The following GRM3 variants were observed in gnomAD, a reference collection of about 807,000 sequenced individuals.
GRM3 encodes glutamate metabotropic receptor 3, also known as metabotropic glutamate receptor 3.
In GRM3, 26 loss-of-function variants were observed where a neutral mutation model predicts 70.5. The ratio of observed to expected loss-of-function variants is 0.37; its 90% CI spans 0.27 to 0.51. The LOEUF is 0.51. Among genes scored for constraint, GRM3 ranks in the 20% least tolerant of loss-of-function variants. The pLI is 0.93. For missense variants in GRM3, 859 were observed against 1,123.8 expected, an observed-to-expected ratio of 0.76 and a Z score of 3.37; for synonymous variants, 443 against 434.9, an observed-to-expected ratio of 1.02 and a Z score of -0.23.
chr7:86,655,846 G>GTGTA (rs1793724909), intron 1 of GRM3, among the ~76,000 whole-genome samples: 1 of 135,058 alleles, frequency 7.4e-6, no homozygotes, highest in Non-Finnish European at 1.6e-5. Flanking sequence ...GTGTGTGTGT[G>GTGTA]TGTGTGGGTG....
At chr7:86,845,046 C>A (rs980801188) in intron 4 of GRM3, among the ~76,000 whole-genome samples, 17 of 152,102 alleles carry the variant, frequency 1.1e-4, no homozygotes, top group Non-Finnish European at 2.1e-4. Flanking sequence ...CATGCCACCA[C>A]ACTGGGCTAA....
chr7:86,829,875 C>T (rs767052320), intron 3 of GRM3, among the ~76,000 whole-genome samples: 1 of 152,184 alleles, frequency 6.6e-6, no homozygotes, highest in Non-Finnish European at 1.5e-5. Flanking sequence ...TACTGATAGA[C>T]TTGTTCGATG....
At chr7:86,823,462 C>G (rs889375880) in intron 3 of GRM3, among the ~76,000 whole-genome samples, 1 of 151,984 alleles carries the variant, frequency 6.6e-6, no homozygotes, top group Non-Finnish European at 1.5e-5. Context: ...CACTAAATCA[C>G]TTTTCAATTA....
rs1331242348 is a variant in GRM3 at position 86,839,587 on chromosome 7, C to T, written c.2073C>T (p.Ile691=). ...TCAGCCCCAGTTCTCAGGTTTTCAT[C>T]TGCCTGGGTCTGATCCTGGTGCAAA... ...KFISPSSQVF[I]CLGLILVQIV... Residue 691 remains isoleucine (I), a synonymous_variant, in exon 4 of 6, where the codon ATC becomes ATT. Coordinates refer to ENST00000361669, the MANE Select transcript of GRM3 (RefSeq NM_000840.3). The surrounding 1 kb of genome is among the most constrained non-coding windows in gnomAD (Gnocchi z 4.5). 1 of 1,612,758 alleles carries T rather than the reference C, an allele frequency of 6.2e-7. No homozygotes were observed. Among genetic ancestry groups the T allele is most frequent in the East Asian group, 2.2e-5 (1 of 44,872 alleles).
intron 3 of GRM3, among the ~76,000 whole-genome samples, chr7:86,798,873 CTCT>C (rs58769161): frequency 0.26 from 39,944 of 151,824 alleles, 5,419 homozygotes; most frequent in Middle Eastern, 0.34. Flanking sequence ...GAGAGTTCCC[CTCT>C]TCTTGCCTGA....
At chr7:86,752,761 C>T (rs993176013) in intron 1 of GRM3, among the ~76,000 whole-genome samples, 1 of 152,022 alleles carries the variant, frequency 6.6e-6, no homozygotes, top group South Asian at 2.1e-4. Context: ...ACAACTTGGA[C>T]ACCAGAATTT....
At position 86,765,504 on chromosome 7, in the gene GRM3, T is replaced by G. The variant is rs763423469; in HGVS notation, c.359T>G (p.Val120Gly). 2 of 1,613,886 alleles carry G rather than the reference T, an allele frequency of 1.2e-6. No homozygotes were observed. The highest frequency in any genetic ancestry group is 1.7e-6 in the Non-Finnish European group (2 of 1,179,862). The part of the protein sequence containing the change: ...LEFVRASLTK[V>G]DEAEYMCPDG... ...TTTGTCAGGGCATCTTTGACAAAAG[T>G]GGATGAAGCTGAGTATATGTGTCCT... The change falls in exon 2 of 6, where the codon GTG becomes GGG. Residue 120 changes from valine (V) to glycine (G), a missense_variant. Physicochemically the swap from Val to Gly is moderately radical, Grantham distance 109. Coordinates refer to ENST00000361669, the MANE Select transcript of GRM3 (RefSeq NM_000840.3).
intron 3 of GRM3, among the ~76,000 whole-genome samples, chr7:86,791,932 G>A (rs2116577644): frequency 6.6e-6 from 1 of 152,206 alleles, no homozygotes; most frequent in South Asian, 2.1e-4. Flanking sequence ...ATTTCCATGT[G>A]CAAGAGTTAT....
rs2116549745 is a variant in GRM3, at chr7:86,786,983, G to A, written c.1191G>A (p.Val397=). 6.2e-7 allele frequency: 1 copy of A among 1,614,170 alleles called. No homozygotes were observed. Among genetic ancestry groups the A allele is most frequent in the Non-Finnish European group, 8.5e-7 (1 of 1,180,006 alleles). The part of the protein sequence containing the change: ...ESKIMFVVNA[V]YAMAHALHKM... ...AGATCATGTTTGTGGTGAACGCGGT[G>A]TATGCCATGGCCCACGCTTTGCACA... is the stretch of plus-strand genomic sequence containing the variant. Residue 397 remains valine, a synonymous_variant, in exon 3 of 6, where the codon GTG becomes GTA. Transcript: ENST00000361669. The surrounding 1 kb of genome is among the most constrained non-coding windows in gnomAD (Gnocchi z 6.0).
intron 4 of GRM3, among the ~76,000 whole-genome samples, chr7:86,845,555 C>T (rs1468304598): frequency 1.3e-5 from 2 of 152,070 alleles, no homozygotes; most frequent in African/African-American, 4.8e-5. Context: ...TTGAGTTCCT[C>T]CCCTCTCTGA....
At chr7:86,648,494 A>C (rs978668717) in intron 1 of GRM3, among the ~76,000 whole-genome samples, 1 of 152,188 alleles carries the variant, frequency 6.6e-6, no homozygotes, top group Non-Finnish European at 1.5e-5. Flanking sequence ...CTAGGAATGT[A>C]ATAGTGTATA....
chr7:86,827,840 C>T (rs965511209), intron 3 of GRM3, among the ~76,000 whole-genome samples: 21 of 152,000 alleles, frequency 1.4e-4, no homozygotes, highest in Non-Finnish European at 2.6e-4. Context: ...CAGGCCGGTG[C>T]GGTGGCTCAC....
intron 1 of GRM3, among the ~76,000 whole-genome samples, chr7:86,714,648 C>T (rs536669916): frequency 4.6e-5 from 7 of 152,110 alleles, no homozygotes; most frequent in African/African-American, 1.4e-4. Context: ...TCTTTGCATC[C>T]ATTTAAAAAG....
chr7:86,696,537 G>A (rs566283041), intron 1 of GRM3, among the ~76,000 whole-genome samples: 1 of 152,172 alleles, frequency 6.6e-6, no homozygotes, highest in African/African-American at 2.4e-5. Flanking sequence ...CAAGAGAATA[G>A]CTTCATATAA....
chr7:86,787,556 C>CAGAGAGAGAG (rs71117519), intron 3 of GRM3, among the ~76,000 whole-genome samples: 93 of 150,020 alleles, frequency 6.2e-4, no homozygotes, highest in Middle Eastern at 3.5e-3. Flanking sequence ...CAGTGGGTGA[C>CAGAGAGAGAG]AGAGAGAGAG....
At chr7:86,697,245 G>A (rs1794838881) in intron 1 of GRM3, among the ~76,000 whole-genome samples, 1 of 150,820 alleles carries the variant, frequency 6.6e-6, no homozygotes, top group South Asian at 2.1e-4. Flanking sequence ...ACATCTTGAA[G>A]AGAGGAAGAG....
chr7:86,795,681 T>C (rs1276387874), intron 3 of GRM3, among the ~76,000 whole-genome samples: 1 of 152,172 alleles, frequency 6.6e-6, no homozygotes, highest in African/African-American at 2.4e-5. Flanking sequence ...TTGATGGGCA[T>C]TTGGGTTGGT....
In GRM3 at chr7:86,796,151, G is replaced by A. The variant is rs1277033915; in HGVS notation, c.1324+9035G>A. On this transcript the variant is annotated intron_variant, in intron 3 of 5. Transcript: ENST00000361669. Reference sequence around the variant, plus strand: ...CAATCTTTGCTCATGCCTATGTCCTGAATTGTATTACCTAGTTTTTCTTAT... The same window carrying A: ...CAATCTTTGCTCATGCCTATGTCCTAAATTGTATTACCTAGTTTTTCTTAT... Among the ~76,000 whole-genome samples the A allele has an allele frequency of 5.3e-5, 8 of 152,268 alleles. 1 individual carries two copies. Among genetic ancestry groups the A allele is most frequent in the Non-Finnish European group, 1.0e-4 (7 of 68,012 alleles).
Position 86,765,143 on chromosome 7 carries a change from T to C in GRM3, c.-3T>C, listed in dbSNP as rs375423438. The C allele has an allele frequency of 1.9e-6, 3 of 1,563,336 alleles. No homozygotes were observed. The highest frequency in any genetic ancestry group is 2.6e-6 in the Non-Finnish European group (3 of 1,159,314). On this transcript the variant is annotated 5_prime_UTR_variant, in exon 2 of 6. Coordinates refer to ENST00000361669, the MANE Select transcript of GRM3 (RefSeq NM_000840.3). ...ATCTCCCAGAGGTACAGAAACAGGATTCATGAAGATGTTGACAAGACTGCA... is the reference window on the plus strand; with the variant it reads ...ATCTCCCAGAGGTACAGAAACAGGACTCATGAAGATGTTGACAAGACTGCA...
Sources: allele counts gnomAD v4.1 joint callset (sites outside exome capture counted in the v4.1 genomes callset), GRCh38; gene constraint gnomAD v4.1.1; non-coding constraint Gnocchi (gnomAD v3.1); transcripts MANE v1.5; gene names NCBI Gene and HGNC (gene_info 2026-07-23, HGNC 2026-07-21).